Variants in FRAS1 observed in about 807,000 individuals in gnomAD.
FRAS1 encodes extracellular matrix organizing protein FRAS1.
Under a neutral mutation model 435.2 loss-of-function variants are expected in FRAS1, and 290 were observed. The observed-to-expected ratio is 0.67, with a 90% CI of 0.61 to 0.73. The LOEUF is 0.73. FRAS1 is among the 30% of genes least tolerant of loss of function. The pLI is 0.00. For synonymous variants in FRAS1, 1,800 were observed against 1,851.0 expected, an observed-to-expected ratio of 0.97 and a Z score of 0.71; for missense variants, 4,860 against 5,001.5, an observed-to-expected ratio of 0.97 and a Z score of 0.85.
At chr4:78,061,311 G>A (rs766501742) in intron 1 of FRAS1, among the ~76,000 whole-genome samples, 2 of 152,140 alleles carry the variant, frequency 1.3e-5, no homozygotes, top group Non-Finnish European at 2.9e-5. Flanking sequence ...TTCTAACATG[G>A]CTGCTTTCTG....
chr4:78,228,444 G>A (rs1386822166), intron 2 of FRAS1, among the ~76,000 whole-genome samples: 1 of 152,156 alleles, frequency 6.6e-6, no homozygotes, highest in Non-Finnish European at 1.5e-5. Flanking sequence ...GTGGAAAACT[G>A]GGTGTAAACA....
At chr4:78,366,800 G>A (rs1263297979) in intron 22 of FRAS1, among the ~76,000 whole-genome samples, 3 of 152,156 alleles carry the variant, frequency 2.0e-5, no homozygotes, top group African/African-American at 7.2e-5. Flanking sequence ...CAAGATGTCT[G>A]CGTCAGTACT....
In FRAS1 at chr4:78,240,278, TGAG is replaced by T. The variant is rs553876406; in HGVS notation, c.216+2665_216+2667del. Among the ~76,000 whole-genome samples, 18 of 152,240 alleles carry T rather than the reference TGAG, an allele frequency of 1.2e-4. No homozygotes were observed. The South Asian group carries it at 3.5e-3, about 30-fold the overall frequency. On this transcript the variant is annotated intron_variant, in intron 3 of 73. Transcript: ENST00000512123. ...CAAAGATAATGCATAATATTAGAAA[TGAG>T]GAGATCAGTTCAGAGGCTGAGAGAA...
intron 2 of FRAS1, among the ~76,000 whole-genome samples, chr4:78,190,276 G>A (rs1265069942): frequency 6.6e-6 from 1 of 152,118 alleles, no homozygotes; most frequent in African/African-American, 2.4e-5. Flanking sequence ...CCAAGCTTTT[G>A]CACTGTTTAG....
chr4:78,199,605 C>A (rs1722963959), intron 2 of FRAS1, among the ~76,000 whole-genome samples: 1 of 152,186 alleles, frequency 6.6e-6, no homozygotes, highest in Non-Finnish European at 1.5e-5. Flanking sequence ...ATTAGTATTT[C>A]CAAAATGTCA....
intron 2 of FRAS1, among the ~76,000 whole-genome samples, chr4:78,072,507 G>T (rs1740408508): frequency 6.6e-6 from 1 of 152,152 alleles, no homozygotes; most frequent in African/African-American, 2.4e-5. Context: ...GTGGCTAGTG[G>T]CTGCTGTTGA....
chr4:78,384,104 T>C lies in FRAS1; in HGVS notation c.3609T>C (p.Ser1203=). 1 of 1,606,926 alleles carries C rather than the reference T, an allele frequency of 6.2e-7. No individual in the cohort carries two copies. Among genetic ancestry groups the C allele is most frequent in the South Asian group, 1.1e-5 (1 of 88,346 alleles). Residue 1203 remains serine, a synonymous_variant, in exon 28 of 74, where the codon TCT becomes TCC. Coordinates refer to ENST00000512123, the MANE Select transcript of FRAS1 (RefSeq NM_025074.7). Reference sequence around the variant, plus strand: ...AAATTAGTGACCAGCAGTTCTTCTCTGAGCCACAGCTGATCAACATACAAG... The same window carrying C: ...AAATTAGTGACCAGCAGTTCTTCTCCGAGCCACAGCTGATCAACATACAAG... The part of the protein sequence containing the change: ...FLKISDQQFF[S]EPQLINIQAF...
intron 66 of FRAS1, among the ~76,000 whole-genome samples, chr4:78,517,001 G>T (rs1207699694): frequency 1.3e-5 from 2 of 152,182 alleles, no homozygotes; most frequent in African/African-American, 4.8e-5. Flanking sequence ...GTGAGACTAG[G>T]CTAATCTGTC....
intron 5 of FRAS1, 44 bp from the exon 6 acceptor site, chr4:78,255,198 C>T (rs774729030): frequency 6.5e-7 from 1 of 1,550,362 alleles, no homozygotes; most frequent in Non-Finnish European, 8.7e-7. Context: ...CTGGGATCAA[C>T]AAATGCCATC....
chr4:78,261,106 C>T (rs1326403358), intron 6 of FRAS1, among the ~76,000 whole-genome samples: 1 of 151,730 alleles, frequency 6.6e-6, no homozygotes, highest in East Asian at 1.9e-4. Context: ...TGTGCCTTTC[C>T]TCTGCATGGC....
intron 2 of FRAS1, among the ~76,000 whole-genome samples, chr4:78,187,249 G>A (rs1246918700): frequency 1.3e-5 from 2 of 152,186 alleles, no homozygotes; most frequent in African/African-American, 4.8e-5. Context: ...AGGCACCCAT[G>A]GAGTGATGAA....
At chr4:78,118,102 C>A (rs1471676765) in intron 2 of FRAS1, among the ~76,000 whole-genome samples, 2 of 152,220 alleles carry the variant, frequency 1.3e-5, no homozygotes, top group African/African-American at 2.4e-5. Flanking sequence ...CCACTCCAGA[C>A]CCTCTTTGCC....
At position 78,069,394 on chromosome 4, in the gene FRAS1, C is replaced by T. The variant is rs901395309; in HGVS notation, c.108+3378C>T. On this transcript the variant is annotated intron_variant, in intron 2 of 73. Coordinates refer to ENST00000512123, the MANE Select transcript of FRAS1 (RefSeq NM_025074.7). ...CTGCTAGTATTACGCTAACTCTCAG[C>T]CTGTCTTGTGAGGATTCCTCTCACT... Among the ~76,000 whole-genome samples the T allele has an allele frequency of 2.6e-5, 4 of 152,214 alleles. No homozygotes were observed. In the East Asian group the frequency reaches 7.7e-4, roughly 29 times the overall value.
At chr4:78,198,499 A>AAAAG (rs1192585969) in intron 2 of FRAS1, among the ~76,000 whole-genome samples, 1 of 152,236 alleles carries the variant, frequency 6.6e-6, no homozygotes, top group Admixed American at 6.5e-5. Context: ...AACGAAAAGA[A>AAAAG]AAAGAAAGAA....
intron 2 of FRAS1, among the ~76,000 whole-genome samples, chr4:78,073,403 T>C (rs765283558): frequency 6.6e-6 from 1 of 152,216 alleles, no homozygotes; most frequent in Non-Finnish European, 1.5e-5. Context: ...GGAAGCCATA[T>C]TAATTTGCTC....
chr4:78,514,660 A>G (rs1373357946), intron 65 of FRAS1, among the ~76,000 whole-genome samples: 2 of 152,226 alleles, frequency 1.3e-5, no homozygotes, highest in African/African-American at 2.4e-5. Context: ...AATTCAAGAC[A>G]TGTTAATTGA....
chr4:78,373,461 A>T (rs1731594715), intron 24 of FRAS1, among the ~76,000 whole-genome samples: 1 of 148,088 alleles, frequency 6.8e-6, no homozygotes, highest in African/African-American at 2.5e-5. Flanking sequence ...AATAATAATA[A>T]TAATAATAAT....
chr4:78,208,174 G>C (rs879915156), intron 2 of FRAS1, among the ~76,000 whole-genome samples: 1 of 152,124 alleles, frequency 6.6e-6, no homozygotes, highest in Non-Finnish European at 1.5e-5. Flanking sequence ...CAACTGGGCG[G>C]GTAGACCCAG....
intron 5 of FRAS1, 42 bp from the exon 6 acceptor site, chr4:78,255,200 A>C (rs748494984): frequency 3.9e-6 from 6 of 1,550,546 alleles, no homozygotes. Flanking sequence ...GGGATCAACA[A>C]ATGCCATCCC....
Sources: gnomAD v4.1 joint callset for allele counts (sites outside exome capture counted in the v4.1 genomes callset) on GRCh38, gnomAD v4.1.1 for gene constraint, MANE v1.5 for transcripts, NCBI Gene and HGNC (gene_info 2026-07-23, HGNC 2026-07-21) for gene names.